The following PRELID2 variants were observed in gnomAD, a reference collection of about 807,000 sequenced individuals.
The protein encoded by PRELID2 is PRELI domain containing 2.
In PRELID2, 25 loss-of-function variants were observed where a neutral mutation model predicts 28.4. The observed-to-expected ratio is 0.88, with a 90% CI of 0.64 to 1.23. The LOEUF is 1.23. PRELID2 is among the 50% of genes most tolerant of loss of function. The pLI, the probability that PRELID2 is intolerant of heterozygous loss-of-function variation, is 0.00. For missense variants in PRELID2, 201 were observed against 214.4 expected, an observed-to-expected ratio of 0.94 and a Z score of 0.39; for synonymous variants, 76 against 71.6, an observed-to-expected ratio of 1.06 and a Z score of -0.31.
At chr5:145,390,721 T>G in the PRELID2 span, among the ~76,000 whole-genome samples, 1 of 152,168 alleles carries the variant, frequency 6.6e-6, no homozygotes, top group South Asian at 2.1e-4. Flanking sequence ...CTTAGTTCAT[T>G]CCAGCATTAA....
intron 1 of PRELID2, among the ~76,000 whole-genome samples, chr5:145,545,065 G>A (rs558704636): frequency 6.6e-6 from 1 of 152,134 alleles, no homozygotes; most frequent in African/African-American, 2.4e-5. Context: ...AGAGTTTAGA[G>A]AATCACAAAA....
intron 1 of PRELID2, among the ~76,000 whole-genome samples, chr5:145,744,223 C>T (rs546539376): frequency 2.0e-5 from 3 of 152,348 alleles, no homozygotes; most frequent in Admixed American, 6.5e-5. Flanking sequence ...TCTCTGCAGA[C>T]CAGGAGACTT....
At chr5:145,825,237 A>C (rs1755103916) in intron 1 of PRELID2, among the ~76,000 whole-genome samples, 1 of 119,990 alleles carries the variant, frequency 8.3e-6, no homozygotes, top group African/African-American at 3.6e-5. Context: ...AAAAAAAAAA[A>C]AAAAAAAAAA....
the PRELID2 span, among the ~76,000 whole-genome samples, chr5:145,453,676 C>T: frequency 6.6e-6 from 1 of 152,134 alleles, no homozygotes. Context: ...CATATGTTCA[C>T]ATTGTTCCAC....
intron 1 of PRELID2, among the ~76,000 whole-genome samples, chr5:145,595,693 G>A (rs1753295613): frequency 6.6e-6 from 1 of 152,138 alleles, no homozygotes; most frequent in Admixed American, 6.5e-5. Flanking sequence ...AGAGTAGACT[G>A]TAAATCAGAC....
the PRELID2 span, among the ~76,000 whole-genome samples, chr5:145,435,985 A>C: frequency 3.3e-5 from 5 of 152,270 alleles, no homozygotes; most frequent in South Asian, 1.0e-3. Flanking sequence ...CAGGTTTGTT[A>C]TATGGGAAAA....
At chr5:145,270,640 T>G in the PRELID2 span, among the ~76,000 whole-genome samples, 1 of 152,162 alleles carries the variant, frequency 6.6e-6, no homozygotes, top group Non-Finnish European at 1.5e-5. Flanking sequence ...TTAAATAAAT[T>G]AATATTTTCT....
At chr5:145,415,180 T>A in the PRELID2 span, among the ~76,000 whole-genome samples, 5 of 152,206 alleles carry the variant, frequency 3.3e-5, no homozygotes, top group Admixed American at 3.3e-4. Flanking sequence ...AAAAATTTAC[T>A]CATAACACAC....
intron 1 of PRELID2, among the ~76,000 whole-genome samples, chr5:145,718,856 C>T (rs144839548): frequency 3.9e-5 from 6 of 151,986 alleles, no homozygotes; most frequent in African/African-American, 1.2e-4. Context: ...ATGAAAAGGG[C>T]CACTCTTGAT....
intron 4 of PRELID2, among the ~76,000 whole-genome samples, chr5:145,815,191 G>A (rs1334199097): frequency 6.6e-6 from 1 of 152,180 alleles, no homozygotes; most frequent in Non-Finnish European, 1.5e-5. Context: ...ATGATGAGGA[G>A]GCAGCATCTG....
chr5:145,658,364 G>C (rs1449252214), intron 1 of PRELID2, among the ~76,000 whole-genome samples: 1 of 152,182 alleles, frequency 6.6e-6, no homozygotes, highest in Non-Finnish European at 1.5e-5. Context: ...ACTTAATGGA[G>C]CATGCATTTC....
rs570824763 is a variant in PRELID2 at position 145,630,155 on chromosome 5, T to C, written n.70+134776A>G. 3.9e-4 allele frequency among the ~76,000 whole-genome samples: 59 copies of C among 152,096 alleles called. 1 individual carries two copies. The highest frequency in any genetic ancestry group is 1.4e-3 in the African/African-American group (58 of 41,452). On this transcript the variant is annotated intron_variant and non_coding_transcript_variant, in intron 1 of 2. Coordinates refer to the PRELID2 transcript ENST00000510259. ...ATGGATGGATGGATGGATGGATGGATGGATGGATGAGTGGGTGGATAGGTG... is the reference window on the plus strand; with the variant it reads ...ATGGATGGATGGATGGATGGATGGACGGATGGATGAGTGGGTGGATAGGTG...
At chr5:145,587,295 T>A (rs1020362412) in intron 1 of PRELID2, among the ~76,000 whole-genome samples, 1 of 152,140 alleles carries the variant, frequency 6.6e-6, no homozygotes, top group African/African-American at 2.4e-5. Context: ...GTAAAAACAG[T>A]CCTCGAGCTT....
chr5:145,530,289 G>A (rs945029307), intron 1 of PRELID2, among the ~76,000 whole-genome samples: 4 of 152,090 alleles, frequency 2.6e-5, no homozygotes, highest in Non-Finnish European at 5.9e-5. Flanking sequence ...ATTGCTCACG[G>A]TGAGAAAAAT....
intron 1 of PRELID2, among the ~76,000 whole-genome samples, chr5:145,680,632 A>C (rs1359282640): frequency 2.0e-5 from 3 of 152,232 alleles, no homozygotes; most frequent in Non-Finnish European, 4.4e-5. Context: ...ACACAAGTCC[A>C]TGTAATTAAG....
At chr5:145,598,944 C>A (rs1753349418) in intron 1 of PRELID2, among the ~76,000 whole-genome samples, 2 of 152,122 alleles carry the variant, frequency 1.3e-5, no homozygotes, top group Admixed American at 1.3e-4. Context: ...TCCACTGGTG[C>A]AAACATACCA....
intron 1 of PRELID2, among the ~76,000 whole-genome samples, chr5:145,672,540 C>T (rs1754729304): frequency 6.6e-6 from 1 of 151,662 alleles, no homozygotes; most frequent in Admixed American, 6.6e-5. Context: ...TGATGAGAGC[C>T]TATTTCCTCC....
At chr5:145,465,345 A>G in the PRELID2 span, among the ~76,000 whole-genome samples, 1 of 152,158 alleles carries the variant, frequency 6.6e-6, no homozygotes, top group Non-Finnish European at 1.5e-5. Context: ...CACTATATCC[A>G]AAAGTCAATA....
chr5:145,390,324 T>A, the PRELID2 span, among the ~76,000 whole-genome samples: 1 of 152,134 alleles, frequency 6.6e-6, no homozygotes, highest in African/African-American at 2.4e-5. Flanking sequence ...ACTAGGTAAT[T>A]TATAGAGGAA....
Sources: gnomAD v4.1 joint callset for allele counts (sites outside exome capture counted in the v4.1 genomes callset) on GRCh38, gnomAD v4.1.1 for gene constraint, MANE v1.5 for transcripts, NCBI Gene and HGNC (gene_info 2026-07-23, HGNC 2026-07-21) for gene names.